The following COL6A5 variants were observed in gnomAD, a reference collection of about 807,000 sequenced individuals.
COL6A5 encodes the protein collagen alpha-5(VI) chain.
Under a neutral mutation model 65.6 loss-of-function variants are expected in COL6A5, and 48 were observed. That is an observed-to-expected ratio of 0.73 (90% confidence interval 0.58 to 0.93). COL6A5 has a LOEUF of 0.93. Ranked by LOEUF, COL6A5 falls within the 40% of genes least tolerant of loss-of-function variation. The probability of loss-of-function intolerance (pLI) is 0.00; values close to 1 mark genes in which losing one functional copy is unlikely to be tolerated. For synonymous variants in COL6A5, 291 were observed against 322.8 expected, an observed-to-expected ratio of 0.90 and a Z score of 1.05; for missense variants, 914 against 928.3, an observed-to-expected ratio of 0.98 and a Z score of 0.20.
intron 1 of COL6A5, among the ~76,000 whole-genome samples, chr3:130,369,748 C>G (rs1935481487): frequency 6.6e-6 from 1 of 152,094 alleles, no homozygotes; most frequent in Non-Finnish European, 1.5e-5. Context: ...GAGCTTTAGC[C>G]CCCATCTCTA....
intron 12 of COL6A5, among the ~76,000 whole-genome samples, chr3:130,402,717 C>T (rs1022069643): frequency 1.3e-5 from 2 of 152,022 alleles, no homozygotes; most frequent in African/African-American, 2.4e-5. Flanking sequence ...TATTTCTTGA[C>T]CTGCATGGTG....
At chr3:130,376,912 T>G in intron 3 of COL6A5, 76 bp downstream of exon 3, 1 of 1,411,834 alleles carries the variant, frequency 7.1e-7, no homozygotes, top group Non-Finnish European at 9.4e-7. Context: ...CTCTTGCAAC[T>G]CATGTTAGGT....
chr3:130,383,335 G>A (rs957732726), intron 4 of COL6A5, among the ~76,000 whole-genome samples: 2 of 151,990 alleles, frequency 1.3e-5, no homozygotes, highest in African/African-American at 4.8e-5. Context: ...GTGACTAGTG[G>A]CTCGTGTATT....
rs750005529 is a variant in COL6A5, at chr3:130,410,001, T to C, written c.4543-8T>C. ...GATTCTAAACTACTTTTAAAAATCTTTCTCTAGGGTAATCCAGGACAAAAC... is the reference window on the plus strand; with the variant it reads ...GATTCTAAACTACTTTTAAAAATCTCTCTCTAGGGTAATCCAGGACAAAAC... On this transcript the variant is annotated splice_region_variant and splice_polypyrimidine_tract_variant and intron_variant and NMD_transcript_variant, in intron 18 of 41. Coordinates refer to the COL6A5 transcript ENST00000312481. 2.6e-5 allele frequency: 40 copies of C among 1,538,052 alleles called. No homozygotes were observed. The African/African-American group carries it at 4.7e-4, about 18-fold the overall frequency.
chr3:130,346,390 T>A (rs1398854053), intron 1 of COL6A5, among the ~76,000 whole-genome samples: 1 of 152,284 alleles, frequency 6.6e-6, no homozygotes, highest in East Asian at 1.9e-4. Flanking sequence ...AGTCCTACAT[T>A]TGAGCCCCTA....
exon 22 of COL6A5, chr3:130,414,086 T>G: frequency 6.4e-7 from 1 of 1,550,796 alleles, no homozygotes; most frequent in Non-Finnish European, 8.7e-7. Flanking sequence ...CAGGAAATCC[T>G]GGACCTACAG....
At chr3:130,428,352 C>G (rs1283886609), upstream of COL6A5, among the ~76,000 whole-genome samples, 1 of 152,000 alleles carries the variant, frequency 6.6e-6, no homozygotes, top group East Asian at 1.9e-4. Flanking sequence ...CCAGTAGCAG[C>G]TCTGTGACAT....
At chr3:130,480,234 T>A (rs1255974175) in intron 7 of COL6A5, among the ~76,000 whole-genome samples, 1 of 152,040 alleles carries the variant, frequency 6.6e-6, no homozygotes, top group Non-Finnish European at 1.5e-5. Context: ...AACAAAAATG[T>A]TTACTTTTTG....
At chr3:130,475,007 CAAAAAAAAAAAAA>C (rs57263258) in intron 7 of COL6A5, among the ~76,000 whole-genome samples, 1 of 65,052 alleles carries the variant, frequency 1.5e-5, no homozygotes, top group African/African-American at 7.2e-5. Flanking sequence ...ACCATGTCTC[CAAAAAAAAAAAAA>C]AAAAAAAAAA....
rs542722243 is a variant in COL6A5 at position 130,398,119 on chromosome 3, G to C, written c.3991+8G>C. On this transcript the variant is annotated splice_region_variant and intron_variant and NMD_transcript_variant, in intron 10 of 41. Transcript: ENST00000312481. Reference sequence around the variant, plus strand: ...ACAGGCTCAGAGAAGCAGGTATTGAGTTGTTGTTGTTTTTTTTTTTTTTTT... The same window carrying C: ...ACAGGCTCAGAGAAGCAGGTATTGACTTGTTGTTGTTTTTTTTTTTTTTTT... 1 of 1,150,866 alleles carries C rather than the reference G, an allele frequency of 8.7e-7. No homozygotes were observed. Among genetic ancestry groups the C allele is most frequent in the Non-Finnish European group, 1.2e-6 (1 of 820,966 alleles). The allele number at this position is 1,150,866 out of a possible 1,614,324, so 71.3% of individuals were successfully genotyped here.
At chr3:130,408,648 A>T (rs1937078720) in intron 17 of COL6A5, among the ~76,000 whole-genome samples, 1 of 149,860 alleles carries the variant, frequency 6.7e-6, no homozygotes, top group Non-Finnish European at 1.5e-5. Context: ...GAAACCCCTA[A>T]TAAAAACTTG....
intron 24 of COL6A5, among the ~76,000 whole-genome samples, chr3:130,418,518 A>G (rs1937422992): frequency 6.6e-6 from 1 of 152,122 alleles, no homozygotes; most frequent in Non-Finnish European, 1.5e-5. Flanking sequence ...CCAGGTGAGG[A>G]CAGGACCTCC....
intron 5 of COL6A5, among the ~76,000 whole-genome samples, chr3:130,467,562 G>T (rs1176923919): frequency 2.0e-5 from 3 of 151,954 alleles, no homozygotes; most frequent in African/African-American, 7.2e-5. Context: ...AAATTCTAAA[G>T]AAAATGTTAG....
At chr3:130,466,862 A>G (rs957217120) in intron 5 of COL6A5, among the ~76,000 whole-genome samples, 2 of 151,970 alleles carry the variant, frequency 1.3e-5, no homozygotes, top group Non-Finnish European at 2.9e-5. Context: ...TAAAATACAC[A>G]AATTTCTTGC....
intron 7 of COL6A5, among the ~76,000 whole-genome samples, chr3:130,481,901 T>A (rs1179552948): frequency 1.3e-5 from 2 of 152,210 alleles, no homozygotes; most frequent in Non-Finnish European, 2.9e-5. Context: ...GTTGTTTTTT[T>A]AAATTGTAAA....
upstream of COL6A5, among the ~76,000 whole-genome samples, chr3:130,429,145 G>C (rs1417999432): frequency 6.6e-6 from 1 of 152,092 alleles, no homozygotes; most frequent in East Asian, 1.9e-4. Context: ...GAAAATAAAG[G>C]CTCCCAAGAT....
At chr3:130,451,062 A>T (rs931059366) in intron 4 of COL6A5, among the ~76,000 whole-genome samples, 1 of 152,166 alleles carries the variant, frequency 6.6e-6, no homozygotes, top group Non-Finnish European at 1.5e-5. Flanking sequence ...AAAGTTTGTA[A>T]AACCATCTTA....
At chr3:130,423,929 A>G in intron 29 of COL6A5, 29 bp downstream of exon 29, 1 of 1,494,118 alleles carries the variant, frequency 6.7e-7, no homozygotes, top group East Asian at 2.5e-5. Flanking sequence ...ACTAAATAGG[A>G]TATAGTAGTT....
exon 7 of COL6A5, chr3:130,391,188 G>A (rs900791849): frequency 6.5e-7 from 1 of 1,548,304 alleles, no homozygotes. Context: ...GATTGTAAAA[G>A]GATTACACTA....
Sources: gnomAD v4.1 joint callset for allele counts (sites outside exome capture counted in the v4.1 genomes callset) on GRCh38, gnomAD v4.1.1 for gene constraint, MANE v1.5 for transcripts, NCBI Gene and HGNC (gene_info 2026-07-23, HGNC 2026-07-21) for gene names.